Variants in SH3GL3 observed in about 807,000 individuals in gnomAD.
The protein encoded by SH3GL3 is SH3 domain containing GRB2 like 3, endophilin A3, also known as endophilin-A3.
A neutral mutation model predicts 47.7 loss-of-function variants in SH3GL3; 33 were observed. The ratio of observed to expected loss-of-function variants is 0.69; its 90% CI spans 0.52 to 0.92. The LOEUF (loss-of-function observed/expected upper bound fraction) is 0.92, where lower values mean the gene tolerates loss of function less well. Among genes scored for constraint, SH3GL3 ranks in the 40% least tolerant of loss-of-function variants. SH3GL3 has a pLI of 0.00. For missense variants in SH3GL3, 363 were observed against 417.8 expected (o/e 0.87, Z 1.14); for synonymous variants, 155 against 148.8 (o/e 1.04, Z -0.30).
At chr15:83,552,177 A>G (rs902287074) in intron 1 of SH3GL3, among the ~76,000 whole-genome samples, 9 of 152,220 alleles carry the variant, frequency 5.9e-5, no homozygotes, top group African/African-American at 2.2e-4. Context: ...GCAAATTGGC[A>G]CAGTTGGTAG....
rs375098689 is a variant in SH3GL3 at position 83,559,991 on chromosome 15, G to A, written c.114+670G>A. On this transcript the variant is annotated intron_variant, in intron 2 of 8. Coordinates refer to ENST00000427482, the MANE Select transcript of SH3GL3 (RefSeq NM_003027.5). ...TGGTATCATCTCTGTCCCTTAACAT[G>A]TTTCCCAGTCAGCTGTGTGGAGTTG... 2.0e-5 allele frequency among the ~76,000 whole-genome samples: 3 copies of A among 152,300 alleles called. No homozygotes were observed. In the East Asian group the frequency reaches 5.8e-4, roughly 29 times the overall value.
chr15:83,587,546 A>G (rs1027726029), intron 7 of SH3GL3, among the ~76,000 whole-genome samples: 2 of 151,374 alleles, frequency 1.3e-5, no homozygotes, highest in African/African-American at 2.4e-5. Flanking sequence ...AAAAAAAAAA[A>G]AGGTAGTGCC....
intron 1 of SH3GL3, among the ~76,000 whole-genome samples, chr15:83,471,057 A>G (rs1357054207): frequency 6.6e-6 from 1 of 152,152 alleles, no homozygotes; most frequent in Non-Finnish European, 1.5e-5. Context: ...GGAGTCTATT[A>G]TGTTTACCCA....
intron 8 of SH3GL3, among the ~76,000 whole-genome samples, chr15:83,595,678 A>T (rs2060219709): frequency 6.6e-6 from 1 of 151,446 alleles, no homozygotes; most frequent in African/African-American, 2.4e-5. Flanking sequence ...CTTTATAGAT[A>T]GAAGGCAATT....
At chr15:83,521,033 G>T (rs1338638073) in intron 1 of SH3GL3, among the ~76,000 whole-genome samples, 1 of 152,134 alleles carries the variant, frequency 6.6e-6, no homozygotes, top group Admixed American at 6.6e-5. Flanking sequence ...CATGCACCTG[G>T]AATTCCTGCG....
At chr15:83,567,057 C>G (rs1181897280) in intron 3 of SH3GL3, among the ~76,000 whole-genome samples, 1 of 152,124 alleles carries the variant, frequency 6.6e-6, no homozygotes, top group Non-Finnish European at 1.5e-5. Flanking sequence ...ATCTCAAATA[C>G]CACAAACTAG....
chr15:83,447,907 G>A lies in SH3GL3; in HGVS notation c.45+329G>A, dbSNP rs1473599523. ...CGTGGGGGGGCCCCTACCCGCGCGA[G>A]GGGAGGACGACCACAGGGAGTACGA... is the stretch of plus-strand genomic sequence containing the variant. On this transcript the variant is annotated intron_variant, in intron 1 of 8. Coordinates refer to ENST00000427482, the MANE Select transcript of SH3GL3 (RefSeq NM_003027.5). This position sits in a 1 kb window ranked among gnomAD's most constrained non-coding sequence, Gnocchi z 5.1. Among the ~76,000 whole-genome samples, 1 of 152,166 alleles carries A rather than the reference G, an allele frequency of 6.6e-6. No homozygotes were observed. The highest frequency in any genetic ancestry group is 1.5e-5 in the Non-Finnish European group (1 of 68,004).
rs752160979 is a variant in SH3GL3, at chr15:83,576,576, T to C, written c.466-7T>C. On this transcript the variant is annotated splice_region_variant and splice_polypyrimidine_tract_variant and intron_variant, in intron 5 of 8. Coordinates refer to ENST00000427482, the MANE Select transcript of SH3GL3 (RefSeq NM_003027.5). The stretch of plus-strand genomic sequence containing the variant: ...CCTCTCTGAGGGACTCCATTCTCTT[T>C]TTTTAGCATCACCTGAAAAAGCTGG... 6 of 1,597,216 alleles carry C rather than the reference T, an allele frequency of 3.8e-6. No individual in the cohort carries two copies. The highest frequency in any genetic ancestry group is 1.8e-5 in the Admixed American group (1 of 54,438).
At chr15:83,586,303 T>G (rs1470601281) in intron 6 of SH3GL3, among the ~76,000 whole-genome samples, 1 of 152,250 alleles carries the variant, frequency 6.6e-6, no homozygotes, top group African/African-American at 2.4e-5. Flanking sequence ...TTTTTCCTTA[T>G]GAGACACAGC....
Position 83,568,657 on chromosome 15 carries a change from G to A in SH3GL3, c.316G>A (p.Glu106Lys), listed in dbSNP as rs1247109031. The A allele has an allele frequency of 6.2e-7, 1 of 1,613,836 alleles. No individual in the cohort carries two copies. Among genetic ancestry groups the A allele is most frequent in the South Asian group, 1.1e-5 (1 of 91,066 alleles). The change falls in exon 4 of 9, where the codon GAA becomes AAA. Residue 106 changes from glutamate to lysine, a missense_variant. Coordinates refer to ENST00000427482, the MANE Select transcript of SH3GL3 (RefSeq NM_003027.5). Reference protein sequence around the residue: ...CMLKYGKELGEDSTFGNALIE... With the variant: ...CMLKYGKELGKDSTFGNALIE... The stretch of plus-strand genomic sequence containing the variant: ...GCTGAAATACGGGAAGGAGCTCGGG[G>A]AAGACTCCACCTTTGGTGAGTTATT...
In SH3GL3 at chr15:83,518,098, G is replaced by T. The variant is rs184039268; in HGVS notation, c.46-41155G>T. Among the ~76,000 whole-genome samples, 10 of 152,304 alleles carry T rather than the reference G, an allele frequency of 6.6e-5. 1 individual carries two copies. Among genetic ancestry groups the T allele is most frequent in the Admixed American group, 5.2e-4 (8 of 15,300 alleles). On this transcript the variant is annotated intron_variant, in intron 1 of 8. Coordinates refer to ENST00000427482, the MANE Select transcript of SH3GL3 (RefSeq NM_003027.5). The stretch of plus-strand genomic sequence containing the variant: ...ACATTATTTCATTCTTTTTATGGCT[G>T]CATAGTATTCCATGGTGTGCAAGTA...
At chr15:83,594,754 C>G (rs977922782) in intron 8 of SH3GL3, among the ~76,000 whole-genome samples, 3 of 152,188 alleles carry the variant, frequency 2.0e-5, no homozygotes, top group African/African-American at 7.2e-5. Flanking sequence ...TTATGAGTTT[C>G]TGGGAAGAAG....
chr15:83,469,971 C>T (rs2040755717), intron 1 of SH3GL3, among the ~76,000 whole-genome samples: 1 of 152,128 alleles, frequency 6.6e-6, no homozygotes, highest in Non-Finnish European at 1.5e-5. Flanking sequence ...TTTTGCTTTA[C>T]ATAATTTGCA....
At chr15:83,617,464 G>A (rs1446053498) in intron 8 of SH3GL3, among the ~76,000 whole-genome samples, 1 of 152,264 alleles carries the variant, frequency 6.6e-6, no homozygotes, top group East Asian at 1.9e-4. Flanking sequence ...ATCACTTAAG[G>A]CCAGGAGTTC....
chr15:83,450,057 G>A (rs753177265), intron 1 of SH3GL3, among the ~76,000 whole-genome samples: 1 of 152,148 alleles, frequency 6.6e-6, no homozygotes, highest in Non-Finnish European at 1.5e-5. Context: ...TAATTTCCAG[G>A]GATCTAGGTC....
At chr15:83,458,970 G>A (rs2040136509) in intron 1 of SH3GL3, among the ~76,000 whole-genome samples, 1 of 152,218 alleles carries the variant, frequency 6.6e-6, no homozygotes, top group Non-Finnish European at 1.5e-5. Flanking sequence ...GAGGAGCAAG[G>A]AAGCCAGACT....
At chr15:83,464,621 A>G (rs909033939) in intron 1 of SH3GL3, among the ~76,000 whole-genome samples, 1 of 152,186 alleles carries the variant, frequency 6.6e-6, no homozygotes, top group African/African-American at 2.4e-5. Context: ...GCAAAACAAA[A>G]CAAACCAAAG....
At chr15:83,489,367 A>T (rs1333575819) in intron 1 of SH3GL3, 1 of 152,062 alleles carries the variant, frequency 6.6e-6, no homozygotes, top group East Asian at 1.9e-4. Flanking sequence ...GTGACCCTCC[A>T]CTTCTCCATC....
At chr15:83,503,289 T>C (rs1487447671) in intron 1 of SH3GL3, among the ~76,000 whole-genome samples, 2 of 152,182 alleles carry the variant, frequency 1.3e-5, no homozygotes, top group Non-Finnish European at 2.9e-5. Context: ...CATATGTTCA[T>C]AAAAATGCAA....
Sources: gnomAD v4.1 joint callset for allele counts (sites outside exome capture counted in the v4.1 genomes callset) on GRCh38, gnomAD v4.1.1 for gene constraint, Gnocchi (gnomAD v3.1) non-coding constraint, MANE v1.5 for transcripts, NCBI Gene and HGNC (gene_info 2026-07-23, HGNC 2026-07-21) for gene names.